Variants in VASH1 observed in about 807,000 individuals in gnomAD.
The protein encoded by VASH1 is tubulinyl-Tyr carboxypeptidase 1.
Under a neutral mutation model 35.0 loss-of-function variants are expected in VASH1, and 16 were observed. The ratio of observed to expected loss-of-function variants is 0.46; its 90% CI spans 0.31 to 0.70. The LOEUF (loss-of-function observed/expected upper bound fraction) is 0.70, where lower values mean the gene tolerates loss of function less well. Among genes scored for constraint, VASH1 ranks in the 30% least tolerant of loss-of-function variants. The pLI is 0.05. For synonymous variants in VASH1, 214 were observed against 200.9 expected (o/e 1.07, Z -0.55); for missense variants, 505 against 510.7 (o/e 0.99, Z 0.11).
At chr14:76,770,248 G>A (rs1245442413) in intron 2 of VASH1, among the ~76,000 whole-genome samples, 197 bp downstream of exon 2, 1 of 152,156 alleles carries the variant, frequency 6.6e-6, no homozygotes, top group Non-Finnish European at 1.5e-5. Flanking sequence ...AATTTTGTCT[G>A]ATGAGTGCAG....
At chr14:76,767,244 CAATAAATAAATA>C (rs3059397) in intron 1 of VASH1, among the ~76,000 whole-genome samples, 74 of 136,300 alleles carry the variant, frequency 5.4e-4, no homozygotes, top group African/African-American at 1.1e-3. Context: ...AACTCTGTCT[CAATAAATAAATA>C]AATAAATAAA....
Position 76,779,725 on chromosome 14 carries a change from C to G in VASH1, c.*707C>G. On this transcript the variant is annotated 3_prime_UTR_variant, in exon 7 of 7. Transcript: ENST00000167106. ...GGGAAGGACCTCTGGGCAAAAAGTTCCCAGGCCCTAACTGCGTCTACTTGC... is the reference window on the plus strand; with the variant it reads ...GGGAAGGACCTCTGGGCAAAAAGTTGCCAGGCCCTAACTGCGTCTACTTGC... 1.7e-6 allele frequency: 1 copy of G among 585,978 alleles called. No individual in the cohort carries two copies. The highest frequency in any genetic ancestry group is 3.0e-6 in the Non-Finnish European group (1 of 331,264). 36.3% of individuals were successfully genotyped at this position (585,978 alleles called of 1,614,324 possible).
Position 76,762,892 on chromosome 14 carries a change from C to A in VASH1, c.71C>A (p.Ala24Asp), listed in dbSNP as rs369529500. 857 of 1,556,930 alleles carry A rather than the reference C, an allele frequency of 5.5e-4. 2 individuals carry two copies. The highest frequency in any genetic ancestry group is 6.9e-4 in the Non-Finnish European group (793 of 1,151,610). Residue 24 changes from alanine to aspartate, a missense_variant, in exon 1 of 7, where the codon GCC becomes GAC. Ala to Asp is a moderately radical substitution (Grantham distance 126). Coordinates refer to ENST00000167106, the MANE Select transcript of VASH1 (RefSeq NM_014909.5). ...ACTCCAACGTCCGCTGCGGCCACCG[C>A]CCCCTCTGGGGTCAGGCGTTTGGAG... ...GATPTSAAATAPSGVRRLETS... is the reference protein window; with the variant it reads ...GATPTSAAATDPSGVRRLETS...
chr14:76,769,358 A>G (rs1395044981), intron 1 of VASH1: 4 of 1,289,190 alleles, frequency 3.1e-6, no homozygotes, highest in Non-Finnish European at 4.0e-6. Flanking sequence ...CCAGCCACAG[A>G]GCTACAGCAA....
chr14:76,779,394 T>C lies in VASH1; in HGVS notation c.*376T>C, dbSNP rs1259042102. ...GGTGCCTCTGCCCCTGGCTTCTCTCTGGGAGTTGGGTGCATCTTATCAGTG... is the reference window on the plus strand; with the variant it reads ...GGTGCCTCTGCCCCTGGCTTCTCTCCGGGAGTTGGGTGCATCTTATCAGTG... On this transcript the variant is annotated 3_prime_UTR_variant, in exon 7 of 7. Coordinates refer to ENST00000167106, the MANE Select transcript of VASH1 (RefSeq NM_014909.5). The C allele has an allele frequency of 1.4e-6, 1 of 692,272 alleles. No homozygotes were observed. Among genetic ancestry groups the C allele is most frequent in the East Asian group, 2.7e-5 (1 of 36,840 alleles). 42.9% of individuals were successfully genotyped at this position (692,272 alleles called of 1,614,324 possible). A position where few individuals can be genotyped will look rare whatever the true frequency, so the allele number is the denominator to read the frequency against.
chr14:76,776,126 G>A lies in VASH1; in HGVS notation c.765G>A (p.Lys255=), dbSNP rs1346353343. 5.6e-6 allele frequency: 9 copies of A among 1,609,806 alleles called. No individual in the cohort carries two copies. The highest frequency in any genetic ancestry group is 1.3e-5 in the African/African-American group (1 of 74,930). Residue 255 remains lysine, a synonymous_variant, in exon 5 of 7, where the codon AAG becomes AAA. Transcript: ENST00000167106. ...AAYGRCWHVL[K]KVKLGQSVSH... ...ACGGCCGCTGCTGGCACGTGCTCAAGAAGGTGAAGCTGGGCCAGAGCGTGT... is the reference window on the plus strand; with the variant it reads ...ACGGCCGCTGCTGGCACGTGCTCAAAAAGGTGAAGCTGGGCCAGAGCGTGT...
rs767052168 is a variant in VASH1, at chr14:76,762,867, A to C, written c.46A>C (p.Thr16Pro). 6 of 1,537,862 alleles carry C rather than the reference A, an allele frequency of 3.9e-6. No homozygotes were observed. Among genetic ancestry groups the C allele is most frequent in the Non-Finnish European group, 5.3e-6 (6 of 1,141,506 alleles). The change falls in exon 1 of 7, where the codon ACT becomes CCT. Residue 16 changes from threonine to proline, a missense_variant. Transcript: ENST00000167106. ...KVAGGGSSGA[T>P]PTSAAATAPS... Reference sequence around the variant, plus strand: ...GGCTGGGGGTGGCAGCAGCGGTGCCACTCCAACGTCCGCTGCGGCCACCGC... The same window carrying C: ...GGCTGGGGGTGGCAGCAGCGGTGCCCCTCCAACGTCCGCTGCGGCCACCGC...
At chr14:76,769,324 G>C in intron 1 of VASH1, 1 of 1,289,102 alleles carries the variant, frequency 7.8e-7, no homozygotes, top group Non-Finnish European at 1.0e-6. Flanking sequence ...ACTTGGAGGA[G>C]GACCCGGCCC....
In VASH1 at chr14:76,770,002, C is replaced by A; in HGVS notation, c.349C>A (p.Pro117Thr). Residue 117 changes from proline to threonine, a missense_variant, in exon 2 of 7, where the codon CCT becomes ACT. Pro to Thr is a conservative substitution (Grantham distance 38). Coordinates refer to ENST00000167106, the MANE Select transcript of VASH1 (RefSeq NM_014909.5). Reference sequence around the variant, plus strand: ...TGTGCCTACGTTCCAGCCGTCTACACCTGTCCCTGAGCGCCTGGAAGCTGT... The same window carrying A: ...TGTGCCTACGTTCCAGCCGTCTACAACTGTCCCTGAGCGCCTGGAAGCTGT... Reference protein sequence around the residue: ...PSVPTFQPSTPVPERLEAVQR... With the variant: ...PSVPTFQPSTTVPERLEAVQR... 6.2e-7 allele frequency: 1 copy of A among 1,614,178 alleles called. No individual in the cohort carries two copies. Among genetic ancestry groups the A allele is most frequent in the Non-Finnish European group, 8.5e-7 (1 of 1,179,984 alleles).
intron 4 of VASH1, chr14:76,774,685 T>G (rs1241805268): frequency 1.3e-5 from 2 of 152,406 alleles, no homozygotes; most frequent in East Asian, 3.8e-4. Context: ...TCTGAGCCTC[T>G]GCAGGGCCGG....
chr14:76,764,347 G>C (rs1893585752), intron 1 of VASH1, among the ~76,000 whole-genome samples: 1 of 152,232 alleles, frequency 6.6e-6, no homozygotes, highest in Admixed American at 6.5e-5. Flanking sequence ...GCTCTGCACT[G>C]ACTTAATATT....
At position 76,763,079 on chromosome 14, in the gene VASH1, C is replaced by G. The variant is rs375380522; in HGVS notation, c.258C>G (p.Pro86=). Residue 86 remains proline, a synonymous_variant, in exon 1 of 7, where the codon CCC becomes CCG. Coordinates refer to ENST00000167106, the MANE Select transcript of VASH1 (RefSeq NM_014909.5). ...GGAAACACGTGGCCAAGATCCACCC[C>G]GATGGAGAGAAGGTGGCGCAACGGA... is the stretch of plus-strand genomic sequence containing the variant. ...RMWKHVAKIH[P]DGEKVAQRIR... is the part of the protein sequence containing the mutation. 1 of 1,517,840 alleles carries G rather than the reference C, an allele frequency of 6.6e-7. No individual in the cohort carries two copies. The highest frequency in any genetic ancestry group is 1.3e-5 in the South Asian group (1 of 77,588). The allele number at this position is 1,517,840 out of a possible 1,614,324, so 94.0% of individuals were successfully genotyped here. A position where few individuals can be genotyped will look rare whatever the true frequency, so the allele number is the denominator to read the frequency against.
rs1356628169 is a variant in VASH1, at chr14:76,773,490, C to T, written c.530+279C>T. 6 of 497,000 alleles carry T rather than the reference C, an allele frequency of 1.2e-5. No individual in the cohort carries two copies. The Admixed American group carries it at 1.4e-4, about 11-fold the overall frequency. The allele number at this position is 497,000 out of a possible 1,614,324, so 30.8% of individuals were successfully genotyped here. ...GTGGATACAGGGACCGTTTTCTGAACCCCAAATCAGGGCACAGTGTCTCAC... is the reference window on the plus strand; with the variant it reads ...GTGGATACAGGGACCGTTTTCTGAATCCCAAATCAGGGCACAGTGTCTCAC... On this transcript the variant is annotated intron_variant, in intron 4 of 6. Coordinates refer to ENST00000167106, the MANE Select transcript of VASH1 (RefSeq NM_014909.5).
rs1185659209 is a variant in VASH1 at position 76,773,220 on chromosome 14, C to T, written c.530+9C>T. ...GCCGTGATCCTGGGAATGTATCCTT[C>T]CTCACCTGAAGGGGAGGGGTCCGGG... On this transcript the variant is annotated intron_variant, in intron 4 of 6. Coordinates refer to ENST00000167106, the MANE Select transcript of VASH1 (RefSeq NM_014909.5). 8.7e-6 allele frequency: 14 copies of T among 1,613,940 alleles called. No homozygotes were observed. In the African/African-American group the frequency reaches 1.9e-4, roughly 22 times the overall value.
intron 1 of VASH1, among the ~76,000 whole-genome samples, chr14:76,767,532 G>T (rs1465928670): frequency 2.0e-5 from 3 of 152,154 alleles, no homozygotes; most frequent in African/African-American, 7.2e-5. Flanking sequence ...GAGGAGGAGT[G>T]CTCCCTGGGG....
At chr14:76,766,115 T>C (rs59123779) in intron 1 of VASH1, among the ~76,000 whole-genome samples, 1,553 of 152,302 alleles carry the variant, frequency 0.01, 29 homozygotes, top group African/African-American at 0.035. Context: ...GTGCCTCTAA[T>C]AGATACCCAG....
intron 1 of VASH1, among the ~76,000 whole-genome samples, chr14:76,767,076 C>T (rs758858079): frequency 6.6e-6 from 1 of 151,864 alleles, no homozygotes; most frequent in South Asian, 2.1e-4. Flanking sequence ...GAAACCCCAT[C>T]TCTACTAAAA....
chr14:76,764,017 A>AG (rs2140171709), intron 1 of VASH1, among the ~76,000 whole-genome samples: 1 of 152,112 alleles, frequency 6.6e-6, no homozygotes, highest in East Asian at 1.9e-4. Flanking sequence ...TAAAAAAAAA[A>AG]AAAACATGAT....
chr14:76,777,473 T>C (rs891204310), intron 5 of VASH1, among the ~76,000 whole-genome samples: 4 of 152,222 alleles, frequency 2.6e-5, no homozygotes, highest in African/African-American at 9.6e-5. Context: ...CACTCCTGCG[T>C]TTTGAAAACT....
Sources: allele counts gnomAD v4.1 joint callset (sites outside exome capture counted in the v4.1 genomes callset), GRCh38; gene constraint gnomAD v4.1.1; transcripts MANE v1.5; gene names NCBI Gene and HGNC (gene_info 2026-07-23, HGNC 2026-07-21).